TRPM3: variants seen among roughly 807,000 people sequenced by gnomAD.
The protein encoded by TRPM3 is long transient receptor potential channel 3.
Under a neutral mutation model 181.2 loss-of-function variants are expected in TRPM3, and 77 were observed. The ratio of observed to expected loss-of-function variants is 0.42; its 90% CI spans 0.35 to 0.51. The LOEUF is 0.51. Among genes scored for constraint, TRPM3 ranks in the 20% least tolerant of loss-of-function variants. The probability of loss-of-function intolerance (pLI) is 0.01; values close to 1 mark genes in which losing one functional copy is unlikely to be tolerated. For missense variants in TRPM3, 1,759 were observed against 2,196.7 expected (o/e 0.80, Z 3.98); for synonymous variants, 745 against 796.4 (o/e 0.94, Z 1.09).
intron 1 of TRPM3, among the ~76,000 whole-genome samples, chr9:71,237,889 T>G (rs2081452171): frequency 6.6e-6 from 1 of 152,204 alleles, no homozygotes; most frequent in South Asian, 2.1e-4. Flanking sequence ...TGAAGCCTCT[T>G]TTATAAGGGC....
At chr9:71,224,404 A>G (rs2080446780) in intron 1 of TRPM3, among the ~76,000 whole-genome samples, 1 of 152,252 alleles carries the variant, frequency 6.6e-6, no homozygotes, top group Non-Finnish European at 1.5e-5. Flanking sequence ...AAGTCTCTTT[A>G]AATACCTGGA....
intron 6 of TRPM3, among the ~76,000 whole-genome samples, chr9:70,793,243 C>T (rs527893980): frequency 6.6e-6 from 1 of 152,064 alleles, no homozygotes; most frequent in South Asian, 2.1e-4. Context: ...CATTTGAGCC[C>T]AGGAATTCAG....
Position 71,017,520 on chromosome 9 carries a change from T to A in TRPM3, c.177+103658A>T, listed in dbSNP as rs149531568. Among the ~76,000 whole-genome samples the A allele has an allele frequency of 1.1e-3, 170 of 151,856 alleles. 1 individual carries two copies. Among genetic ancestry groups the A allele is most frequent in the Non-Finnish European group, 2.1e-3 (141 of 67,802 alleles). On this transcript the variant is annotated intron_variant, in intron 1 of 25. Coordinates refer to ENST00000677713, the MANE Select transcript of TRPM3 (RefSeq NM_001366145.2). ...ATGTAAAATGTTTAAAATAGAAAGA[T>A]GGAAAATATATTCCATACAAATATG...
chr9:71,305,214 T>A (rs1229041875), intron 1 of TRPM3, among the ~76,000 whole-genome samples: 1 of 152,218 alleles, frequency 6.6e-6, no homozygotes, highest in Admixed American at 6.5e-5. Flanking sequence ...CAGAAATGTT[T>A]TAAAAGGTTT....
In TRPM3 at chr9:70,660,626, G is replaced by A. The variant is rs550142559; in HGVS notation, c.1346-19966C>T. Among the ~76,000 whole-genome samples, 10 of 152,152 alleles carry A rather than the reference G, an allele frequency of 6.6e-5. No homozygotes were observed. The South Asian group carries it at 1.7e-3, about 25-fold the overall frequency. On this transcript the variant is annotated intron_variant, in intron 9 of 25. Transcript: ENST00000677713. ...TCTAAATTAGCTGAGACCTGTCTCA[G>A]ATATTTGGGGTTCATGAAGGCTACT...
chr9:70,873,623 A>G (rs2095826320), intron 1 of TRPM3, among the ~76,000 whole-genome samples: 1 of 151,966 alleles, frequency 6.6e-6, no homozygotes, highest in African/African-American at 2.4e-5. Context: ...ATGCCCCTGC[A>G]TTCTTTAAAA....
In TRPM3 at chr9:71,044,946, C is replaced by T. The variant is rs141621232; in HGVS notation, c.177+76232G>A. On this transcript the variant is annotated intron_variant, in intron 1 of 25. Coordinates refer to ENST00000677713, the MANE Select transcript of TRPM3 (RefSeq NM_001366145.2). Reference sequence around the variant, plus strand: ...TCGGCCTCCCAAAGTGCTGGGATTACAACCATGAACCACAGCGCCCGGCCA... The same window carrying T: ...TCGGCCTCCCAAAGTGCTGGGATTATAACCATGAACCACAGCGCCCGGCCA... Among the ~76,000 whole-genome samples the T allele has an allele frequency of 6.1e-3, 932 of 152,296 alleles. 9 individuals carry two copies. Among genetic ancestry groups the T allele is most frequent in the African/African-American group, 0.021 (861 of 41,552 alleles).
At chr9:70,782,403 GGTTTCGCCAT>G (rs2082657964) in intron 7 of TRPM3, among the ~76,000 whole-genome samples, 1 of 151,910 alleles carries the variant, frequency 6.6e-6, no homozygotes, top group Non-Finnish European at 1.5e-5. Context: ...GTAGAGATGG[GGTTTCGCCAT>G]GTTGGTCAGG....
intron 1 of TRPM3, among the ~76,000 whole-genome samples, chr9:71,198,586 A>G (rs1437256535): frequency 6.6e-6 from 1 of 151,906 alleles, no homozygotes; most frequent in Non-Finnish European, 1.5e-5. Context: ...GAGGTCCTTC[A>G]CATCCCTTGT....
At chr9:71,072,654 AG>A (rs2062923069) in intron 1 of TRPM3, among the ~76,000 whole-genome samples, 1 of 152,188 alleles carries the variant, frequency 6.6e-6, no homozygotes, top group East Asian at 1.9e-4. Context: ...GCCTAAAATA[AG>A]GCACAATATC....
chr9:70,549,700 C>A (rs554422650), intron 24 of TRPM3, 26 bp from the exon 25 acceptor site: 3 of 1,564,324 alleles, frequency 1.9e-6, no homozygotes, highest in Non-Finnish European at 1.7e-6. Context: ...AAAAGGAAGT[C>A]TTGAGGGAGA....
intron 9 of TRPM3, among the ~76,000 whole-genome samples, chr9:70,642,781 C>T (rs1289669227): frequency 6.6e-6 from 1 of 152,188 alleles, no homozygotes; most frequent in African/African-American, 2.4e-5. Flanking sequence ...CAAATTTTAG[C>T]ATGCATAAGT....
At chr9:71,319,681 C>T (rs1019135811) in intron 1 of TRPM3, among the ~76,000 whole-genome samples, 1 of 152,092 alleles carries the variant, frequency 6.6e-6, no homozygotes, top group Non-Finnish European at 1.5e-5. Context: ...ATAAAATTAA[C>T]CAAGAGTGTG....
At chr9:70,786,697 T>C (rs1046722821) in intron 6 of TRPM3, among the ~76,000 whole-genome samples, 1 of 152,168 alleles carries the variant, frequency 6.6e-6, no homozygotes, top group African/African-American at 2.4e-5. Flanking sequence ...GCAAAAGTAA[T>C]TGTGTTTTTT....
chr9:71,248,931 G>A (rs558487949), intron 1 of TRPM3, among the ~76,000 whole-genome samples: 2 of 152,292 alleles, frequency 1.3e-5, no homozygotes, highest in South Asian at 4.1e-4. Flanking sequence ...GAAGGAAGAA[G>A]AGGAAAACAG....
At chr9:71,011,790 G>T (rs794295) in intron 1 of TRPM3, among the ~76,000 whole-genome samples, 108,953 of 129,588 alleles carry the variant, frequency 0.84, 44,181 homozygotes, top group Middle Eastern at 0.89. Context: ...TTGTTTTTTT[G>T]TTTTTTTTCA....
rs1178518344 is a variant in TRPM3, at chr9:71,199,334, C to CT, written c.183+247318dup. Among the ~76,000 whole-genome samples the CT allele has an allele frequency of 1.1e-4, 16 of 152,140 alleles. No individual in the cohort carries two copies. The East Asian group carries it at 1.7e-3, about 17-fold the overall frequency. On this transcript the variant is annotated intron_variant, in intron 1 of 24. Transcript: ENST00000357533. ...ATCAAGGATATTGGTCTAAAATTCTCTTTTTTTGTTGTGTCTCTGCCTGGC... is the reference window on the plus strand; with the variant it reads ...ATCAAGGATATTGGTCTAAAATTCTCTTTTTTTTGTTGTGTCTCTGCCTGGC...
Position 70,536,414 on chromosome 9 carries a change from A to G in TRPM3, c.4699T>C (p.Cys1567Arg), listed in dbSNP as rs780596906. The change falls in exon 26 of 26, where the codon TGT (cysteine) becomes CGT (arginine). Residue 1567 changes from cysteine to arginine, a missense_variant. By Grantham distance (180) the Cys-to-Arg change is radical. Transcript: ENST00000677713. Reference protein sequence around the residue: ...TSITDCIDTRCVNAPQAIADR... With the variant: ...TSITDCIDTRRVNAPQAIADR... The stretch of plus-strand genomic sequence containing the variant: ...GCAATTGCTTGAGGGGCATTGACAC[A>G]CCTTGTGTCAATACAGTCTGTAATA... 2 of 1,614,078 alleles carry G rather than the reference A, an allele frequency of 1.2e-6. No individual in the cohort carries two copies. The highest frequency in any genetic ancestry group is 1.1e-5 in the South Asian group (1 of 91,078).
intron 1 of TRPM3, among the ~76,000 whole-genome samples, chr9:71,370,047 C>G (rs1205166243): frequency 2.6e-5 from 4 of 152,122 alleles, no homozygotes; most frequent in Non-Finnish European, 4.4e-5. Context: ...TGCCACAAAC[C>G]ATACCCACAT....
Sources: allele counts gnomAD v4.1 joint callset (sites outside exome capture counted in the v4.1 genomes callset), GRCh38; gene constraint gnomAD v4.1.1; transcripts MANE v1.5; gene names NCBI Gene and HGNC (gene_info 2026-07-23, HGNC 2026-07-21).